Variants in GFOD1 observed in about 807,000 individuals in gnomAD.
GFOD1 encodes Gfo/Idh/MocA-like oxidoreductase domain containing 1, also known as glucose-fructose oxidoreductase domain-containing protein 1.
A neutral mutation model predicts 25.4 loss-of-function variants in GFOD1; 9 were observed. The observed-to-expected ratio is 0.35, with a 90% confidence interval of 0.21 to 0.62. The LOEUF (loss-of-function observed/expected upper bound fraction) is 0.62, where lower values mean the gene tolerates loss of function less well. Ranked by LOEUF, GFOD1 falls within the 20% of genes least tolerant of loss-of-function variation. GFOD1 has a pLI of 0.72. For missense variants in GFOD1, 403 were observed against 556.9 expected (o/e 0.72, Z 2.78); for synonymous variants, 253 against 245.6 (o/e 1.03, Z -0.28).
intron 1 of GFOD1, among the ~76,000 whole-genome samples, chr6:13,432,229 T>A (rs1757761955): frequency 8.1e-6 from 1 of 122,770 alleles, no homozygotes; most frequent in South Asian, 2.4e-4. Flanking sequence ...TTTTCTTTTC[T>A]TTTTTTTTTT....
At chr6:13,463,214 G>A (rs1758323013) in intron 1 of GFOD1, among the ~76,000 whole-genome samples, 1 of 152,190 alleles carries the variant, frequency 6.6e-6, no homozygotes, top group Admixed American at 6.5e-5. Context: ...GGGTGGGGCT[G>A]GCAGCCCCTG....
intron 1 of GFOD1, among the ~76,000 whole-genome samples, chr6:13,390,825 A>AAGGAAGGG (rs1160486401): frequency 1.3e-5 from 2 of 151,770 alleles, no homozygotes; most frequent in East Asian, 3.9e-4. Context: ...GGAAGGAAGG[A>AAGGAAGGG]AGGATAATAA....
At chr6:13,411,216 ACTGAATCCAACCCGTGG>A (rs1391708385) in intron 1 of GFOD1, among the ~76,000 whole-genome samples, 3 of 152,194 alleles carry the variant, frequency 2.0e-5, no homozygotes, top group Non-Finnish European at 4.4e-5. Flanking sequence ...CCAAACCCTG[ACTGAATCCAACCCGTGG>A]CTCCAGGGCC....
intron 1 of GFOD1, among the ~76,000 whole-genome samples, chr6:13,436,276 T>C (rs74679396): frequency 0.05 from 7,669 of 152,346 alleles, 234 homozygotes; most frequent in African/African-American, 0.077. Context: ...AACATGAATA[T>C]GTTCCTTGTT....
rs147954379 is a variant in GFOD1 at position 13,405,991 on chromosome 6, T to C, written c.254-40329A>G. Among the ~76,000 whole-genome samples, 238 of 152,288 alleles carry C rather than the reference T, an allele frequency of 1.6e-3. 1 individual carries two copies. The highest frequency in any genetic ancestry group is 5.4e-3 in the African/African-American group (224 of 41,550). On this transcript the variant is annotated intron_variant, in intron 1 of 1. Transcript: ENST00000379287. Reference sequence around the variant, plus strand: ...TTGGCAAGGATCTTCCTTTCACTCTTGGCCTCCCCACCCCAACTTCTGAGG... The same window carrying C: ...TTGGCAAGGATCTTCCTTTCACTCTCGGCCTCCCCACCCCAACTTCTGAGG...
At chr6:13,474,006 G>C (rs1490423967) in intron 1 of GFOD1, among the ~76,000 whole-genome samples, 1 of 152,190 alleles carries the variant, frequency 6.6e-6, no homozygotes, top group African/African-American at 2.4e-5. Flanking sequence ...CCAGCTCTTA[G>C]AGGAAGCCCC....
At chr6:13,459,643 A>T (rs1758257180) in intron 1 of GFOD1, among the ~76,000 whole-genome samples, 1 of 152,240 alleles carries the variant, frequency 6.6e-6, no homozygotes, top group African/African-American at 2.4e-5. Context: ...CCTACAAGGA[A>T]CTTAAATTTA....
chr6:13,367,782 C>T (rs1393011699), intron 1 of GFOD1, among the ~76,000 whole-genome samples: 4 of 151,064 alleles, frequency 2.6e-5, no homozygotes, highest in Admixed American at 2.6e-4. Flanking sequence ...AAAAGAATGA[C>T]ACAGATTTGT....
At chr6:13,399,599 G>A (rs979100720) in intron 1 of GFOD1, among the ~76,000 whole-genome samples, 8 of 152,158 alleles carry the variant, frequency 5.3e-5, no homozygotes, top group East Asian at 1.9e-4. Flanking sequence ...TCTCAAAACC[G>A]GTATGCGGAG....
At chr6:13,443,487 CAA>C in intron 1 of GFOD1, among the ~76,000 whole-genome samples, 3 of 152,036 alleles carry the variant, frequency 2.0e-5, no homozygotes, top group Non-Finnish European at 2.9e-5. Flanking sequence ...GGAAATCAAT[CAA>C]TCAATGCAGC....
chr6:13,384,644 C>T (rs776198397), intron 1 of GFOD1, among the ~76,000 whole-genome samples: 10 of 152,220 alleles, frequency 6.6e-5, no homozygotes, highest in Admixed American at 4.6e-4. Context: ...TGATCCACAG[C>T]AGCACAGCGA....
intron 1 of GFOD1, among the ~76,000 whole-genome samples, chr6:13,448,289 T>C (rs1258648317): frequency 6.6e-6 from 1 of 152,182 alleles, no homozygotes; most frequent in African/African-American, 2.4e-5. Flanking sequence ...TACCTGTTGT[T>C]TTGTAAGTGC....
At chr6:13,409,930 AAAAAAAAAAAG>A (rs200870698) in intron 1 of GFOD1, among the ~76,000 whole-genome samples, 80,144 of 143,168 alleles carry the variant, frequency 0.56, 26,412 homozygotes, top group Non-Finnish European at 0.72. Context: ...TTCAAAAAAA[AAAAAAAAAAAG>A]AAAGAAAGAA....
At chr6:13,406,727 GA>G (rs1785954329) in intron 1 of GFOD1, among the ~76,000 whole-genome samples, 1 of 152,166 alleles carries the variant, frequency 6.6e-6, no homozygotes, top group Non-Finnish European at 1.5e-5. Context: ...TAAGAAAGTG[GA>G]CTCTCATCCA....
intron 1 of GFOD1, among the ~76,000 whole-genome samples, chr6:13,448,254 T>C (rs1302092911): frequency 6.6e-6 from 1 of 152,212 alleles, no homozygotes; most frequent in South Asian, 2.1e-4. Context: ...ATCTTATACA[T>C]GGAACGCTAA....
At chr6:13,470,507 G>A (rs773311718) in intron 1 of GFOD1, 23 of 1,549,916 alleles carry the variant, frequency 1.5e-5, no homozygotes, top group Non-Finnish European at 1.8e-5. Context: ...ATCGTGGGGG[G>A]TAAACAAATG....
At chr6:13,434,984 C>G (rs17618702) in intron 1 of GFOD1, among the ~76,000 whole-genome samples, 8,268 of 152,282 alleles carry the variant, frequency 0.054, 287 homozygotes, top group African/African-American at 0.091. Flanking sequence ...AAACCAAACA[C>G]CTCCAGGGCA....
intron 1 of GFOD1, among the ~76,000 whole-genome samples, chr6:13,431,786 GA>G (rs1004864682): frequency 1.3e-5 from 2 of 152,208 alleles, no homozygotes; most frequent in African/African-American, 4.8e-5. Flanking sequence ...CACCAAGTAT[GA>G]AATGTCACCA....
At chr6:13,395,858 A>G (rs540497809) in intron 1 of GFOD1, among the ~76,000 whole-genome samples, 221 of 152,326 alleles carry the variant, frequency 1.5e-3, no homozygotes, top group Non-Finnish European at 2.6e-3. Context: ...GGTCCCACTC[A>G]GGCCGTGGTA....
Sources: gnomAD v4.1 joint callset for allele counts (sites outside exome capture counted in the v4.1 genomes callset) on GRCh38, gnomAD v4.1.1 for gene constraint, MANE v1.5 for transcripts, NCBI Gene and HGNC (gene_info 2026-07-23, HGNC 2026-07-21) for gene names.